Variants in CNTFR observed in about 807,000 individuals in gnomAD.
The protein encoded by CNTFR is ciliary neurotrophic factor receptor subunit alpha.
Under a neutral mutation model 40.4 loss-of-function variants are expected in CNTFR, and 12 were observed. The observed-to-expected ratio is 0.30, with a 90% confidence interval of 0.19 to 0.48. The LOEUF (loss-of-function observed/expected upper bound fraction) is 0.48, where lower values mean the gene tolerates loss of function less well. CNTFR is among the 20% of genes least tolerant of loss of function. The pLI is 0.99. For synonymous variants in CNTFR, 202 were observed against 209.6 expected, an observed-to-expected ratio of 0.96 and a Z score of 0.31; for missense variants, 414 against 506.8, an observed-to-expected ratio of 0.82 and a Z score of 1.76.
intron 1 of CNTFR, among the ~76,000 whole-genome samples, chr9:34,585,349 T>C (rs1413701474): frequency 6.6e-6 from 1 of 152,098 alleles, no homozygotes; most frequent in Non-Finnish European, 1.5e-5. Flanking sequence ...GAGAAACCTG[T>C]CCTCCTACAG....
rs1220086414 is a variant in CNTFR at position 34,566,464 on chromosome 9, C to G, written c.86-1632G>C. Among the ~76,000 whole-genome samples, 3 of 152,124 alleles carry G rather than the reference C, an allele frequency of 2.0e-5. No individual in the cohort carries two copies. The East Asian group carries it at 5.8e-4, about 29-fold the overall frequency. ...TGGACCAGACACTAAACAGGGGCCT[C>G]CCCCTGACCAGAGGCCCAGTGTCCA... is the stretch of plus-strand genomic sequence containing the variant. On this transcript the variant is annotated intron_variant, in intron 3 of 9. Transcript: ENST00000378980.
At chr9:34,566,383 C>T (rs554174033) in intron 3 of CNTFR, among the ~76,000 whole-genome samples, 4 of 152,294 alleles carry the variant, frequency 2.6e-5, no homozygotes, top group South Asian at 2.1e-4. Context: ...GCCGAACAGA[C>T]GATGAACGGG....
rs1825908306 is a variant in CNTFR, at chr9:34,557,759, A to G, written c.438-67T>C. The G allele has an allele frequency of 3.7e-6, 6 of 1,600,724 alleles. No individual in the cohort carries two copies. The highest frequency in any genetic ancestry group is 5.1e-6 in the Non-Finnish European group (6 of 1,169,084). ...GGTCAGGTGGGGCAGAGGTTGAGGA[A>G]AGGTCAAGCCCAAGGCAGGGCTGGG... On this transcript the variant is annotated intron_variant, in intron 5 of 9. Transcript: ENST00000378980. This position sits in a 1 kb window ranked among gnomAD's most constrained non-coding sequence, Gnocchi z 4.2.
chr9:34,562,411 G>A (rs541663104), intron 4 of CNTFR, among the ~76,000 whole-genome samples: 2 of 152,080 alleles, frequency 1.3e-5, no homozygotes, highest in African/African-American at 4.8e-5. Flanking sequence ...CTTCAGTTTA[G>A]ACACATTAAA....
chr9:34,558,968 T>G (rs974469949), intron 4 of CNTFR, among the ~76,000 whole-genome samples: 3 of 152,174 alleles, frequency 2.0e-5, no homozygotes, highest in Non-Finnish European at 4.4e-5. Context: ...CCTCAGGCAT[T>G]GGGTAAGGCG....
At chr9:34,573,678 T>C (rs1272326042) in intron 2 of CNTFR, among the ~76,000 whole-genome samples, 1 of 152,102 alleles carries the variant, frequency 6.6e-6, no homozygotes, top group Non-Finnish European at 1.5e-5. Context: ...CAGCCCAGAC[T>C]CCAGAATCCC....
At chr9:34,572,955 T>C (rs374328444) in intron 2 of CNTFR, among the ~76,000 whole-genome samples, 15 of 152,346 alleles carry the variant, frequency 9.8e-5, no homozygotes, top group Admixed American at 1.3e-4. Context: ...GCAATGTTGA[T>C]AGACTCAGTA....
intron 4 of CNTFR, among the ~76,000 whole-genome samples, chr9:34,562,875 C>T (rs1826125579): frequency 6.6e-6 from 1 of 152,178 alleles, no homozygotes; most frequent in African/African-American, 2.4e-5. Flanking sequence ...CCAAATCACA[C>T]TCACCTGGTC....
intron 4 of CNTFR, among the ~76,000 whole-genome samples, chr9:34,563,940 A>C (rs945268242): frequency 3.9e-5 from 6 of 152,170 alleles, no homozygotes; most frequent in Non-Finnish European, 7.3e-5. Context: ...CCCAGCTTGC[A>C]GGATCATGAT....
intron 4 of CNTFR, among the ~76,000 whole-genome samples, chr9:34,563,617 C>T (rs939044513): frequency 1.3e-5 from 2 of 152,256 alleles, no homozygotes; most frequent in Non-Finnish European, 2.9e-5. Flanking sequence ...GAAACCCAAA[C>T]TAAGACACTG....
chr9:34,589,855 C>G (rs1165986271), upstream of CNTFR: 1 of 150,606 alleles, frequency 6.6e-6, no homozygotes, highest in African/African-American at 2.4e-5. The surrounding 1 kb of genome is among the most constrained non-coding windows in gnomAD (Gnocchi z 4.4). Flanking sequence ...CTCCCCTCCC[C>G]CTCTTGCCTT....
At chr9:34,572,943 C>T (rs1002656265) in intron 2 of CNTFR, among the ~76,000 whole-genome samples, 9 of 152,190 alleles carry the variant, frequency 5.9e-5, no homozygotes, top group African/African-American at 2.2e-4. Context: ...CACAGTGACA[C>T]AGCAATGTTG....
intron 2 of CNTFR, among the ~76,000 whole-genome samples, chr9:34,573,922 G>A (rs1010966299): frequency 3.3e-5 from 5 of 152,230 alleles, no homozygotes; most frequent in African/African-American, 4.8e-5. Context: ...GAGACAGAGC[G>A]GGGGCAAAGA....
In CNTFR at chr9:34,557,100, G is replaced by GT. The variant is rs1587122334; in HGVS notation, c.604+425_604+426insA. Among the ~76,000 whole-genome samples, 2 of 109,078 alleles carry GT rather than the reference G, an allele frequency of 1.8e-5. No homozygotes were observed. Among genetic ancestry groups the GT allele is most frequent in the African/African-American group, 7.0e-5 (2 of 28,698 alleles). 71.6% of individuals were successfully genotyped at this position (109,078 alleles called of 152,430 possible). On this transcript the variant is annotated intron_variant, in intron 6 of 9. Transcript: ENST00000378980. This position sits in a 1 kb window ranked among gnomAD's most constrained non-coding sequence, Gnocchi z 4.2. ...GGCAGGTAGAGGGTCTGGCTGGGAT[G>GT]GGGGGGGTCAGGGGGAGGGCAGTAT...
chr9:34,572,295 C>T (rs1352742646), intron 2 of CNTFR, among the ~76,000 whole-genome samples: 1 of 152,098 alleles, frequency 6.6e-6, no homozygotes, highest in African/African-American at 2.4e-5. Flanking sequence ...CCAGGACACA[C>T]CTCCATCCTG....
intron 7 of CNTFR, among the ~76,000 whole-genome samples, chr9:34,554,443 A>C (rs1211622801): frequency 2.0e-5 from 3 of 152,150 alleles, no homozygotes; most frequent in Admixed American, 1.3e-4. Flanking sequence ...CATATCCTAG[A>C]CCAGGATCCT....
chr9:34,557,387 G>C lies in CNTFR; in HGVS notation c.604+139C>G. On this transcript the variant is annotated intron_variant, in intron 6 of 9. Transcript: ENST00000378980. This position sits in a 1 kb window ranked among gnomAD's most constrained non-coding sequence, Gnocchi z 4.2. ...GTCATGCATATATGTGCACATATAT[G>C]TGCACTGTACATACCTGTGCAGAGG... is the stretch of plus-strand genomic sequence containing the variant. The C allele has an allele frequency of 1.1e-6, 1 of 875,890 alleles. No individual in the cohort carries two copies. Among genetic ancestry groups the C allele is most frequent in the Non-Finnish European group, 1.8e-6 (1 of 567,544 alleles). The allele number at this position is 875,890 out of a possible 1,614,324, so 54.3% of individuals were successfully genotyped here.
Position 34,551,819 on chromosome 9 carries a change from G to A in CNTFR, c.*252C>T, listed in dbSNP as rs2132107284. 1 of 627,836 alleles carries A rather than the reference G, an allele frequency of 1.6e-6. No individual in the cohort carries two copies. The highest frequency in any genetic ancestry group is 1.8e-5 in the South Asian group (1 of 54,308). 38.9% of individuals were successfully genotyped at this position (627,836 alleles called of 1,614,324 possible). ...TTGGAGGGTCCAGCCCAAGGGGCCA[G>A]GGTGAGGGGGTCTTTGGTGGGTGGG... On this transcript the variant is annotated 3_prime_UTR_variant, in exon 10 of 10. Transcript: ENST00000378980.
intron 1 of CNTFR, among the ~76,000 whole-genome samples, chr9:34,585,978 C>T (rs1827524260): frequency 6.6e-6 from 1 of 152,228 alleles, no homozygotes; most frequent in Admixed American, 6.5e-5. Context: ...AGCCTCCCAC[C>T]CCGGCTGGAG....
Sources: gnomAD v4.1 joint callset for allele counts (sites outside exome capture counted in the v4.1 genomes callset) on GRCh38, gnomAD v4.1.1 for gene constraint, Gnocchi (gnomAD v3.1) non-coding constraint, MANE v1.5 for transcripts, NCBI Gene and HGNC (gene_info 2026-07-23, HGNC 2026-07-21) for gene names.